SHANK2: variants seen among roughly 807,000 people sequenced by gnomAD.
SHANK2 encodes the protein SH3 and multiple ankyrin repeat domains 2.
A neutral mutation model predicts 133.7 loss-of-function variants in SHANK2; 43 were observed. The observed-to-expected ratio is 0.32, with a 90% CI of 0.25 to 0.41. The LOEUF (loss-of-function observed/expected upper bound fraction) is 0.41. Among genes scored for constraint, SHANK2 ranks in the 10% least tolerant of loss-of-function variants. The pLI is 1.00. For missense variants in SHANK2, 1,994 were observed against 2,235.8 expected, an observed-to-expected ratio of 0.89 and a Z score of 2.18; for synonymous variants, 1,017 against 952.8, an observed-to-expected ratio of 1.07 and a Z score of -1.24.
intron 15 of SHANK2, among the ~76,000 whole-genome samples, chr11:70,696,931 T>TA (rs1268106337): frequency 1.3e-5 from 2 of 152,104 alleles, no homozygotes; most frequent in Non-Finnish European, 2.9e-5. Context: ...TATTCAATCC[T>TA]AAAAAAGGGA....
At chr11:70,534,432 T>A (rs1378609019) in intron 17 of SHANK2, among the ~76,000 whole-genome samples, 2 of 152,198 alleles carry the variant, frequency 1.3e-5, no homozygotes, top group Non-Finnish European at 2.9e-5. Flanking sequence ...GGAACTACAA[T>A]TCAAGATGAG....
chr11:70,749,152 A>C (rs1316703203), intron 14 of SHANK2, among the ~76,000 whole-genome samples: 5 of 152,208 alleles, frequency 3.3e-5, no homozygotes. Context: ...AGTACAGCTG[A>C]CATCTTTCAG....
At chr11:70,572,121 C>G (rs1228248911) in intron 17 of SHANK2, among the ~76,000 whole-genome samples, 1 of 152,242 alleles carries the variant, frequency 6.6e-6, no homozygotes, top group Non-Finnish European at 1.5e-5. Flanking sequence ...CTGCCGGCAT[C>G]CTATTCTCAG....
intron 10 of SHANK2, among the ~76,000 whole-genome samples, chr11:70,909,347 G>T (rs1480746318): frequency 6.6e-6 from 1 of 152,188 alleles, no homozygotes; most frequent in Non-Finnish European, 1.5e-5. Flanking sequence ...GAATGAGGGA[G>T]GCTGAGTCTA....
intron 22 of SHANK2, 82 bp downstream of exon 22, chr11:70,492,253 C>T (rs1451353725): frequency 1.0e-5 from 16 of 1,579,836 alleles, no homozygotes; most frequent in Non-Finnish European, 1.3e-5. Context: ...AAAGCGTGTG[C>T]ACCTCAGCTA....
intron 4 of SHANK2, among the ~76,000 whole-genome samples, chr11:71,113,855 G>A (rs782003251): frequency 1.3e-5 from 2 of 152,320 alleles, no homozygotes; most frequent in East Asian, 3.9e-4. Flanking sequence ...TGCCCAGATC[G>A]CTGAAGCCAC....
In SHANK2 at chr11:70,599,863, A is replaced by AAAAGAAAGAAAG. The variant is rs797024328; in HGVS notation, c.2061+59953_2061+59964dup. ...AAGGAGAGAACGAAAGAAAGAAATAAAAAGAAAGAAAGAAAGAAAGAAAGA... is the reference window on the plus strand; with the variant it reads ...AAGGAGAGAACGAAAGAAAGAAATAAAAAGAAAGAAAGAAAGAAAGAAAGAAAGAAAGAAAGA... On this transcript the variant is annotated intron_variant, in intron 17 of 25. Transcript: ENST00000601538. 7.2e-4 allele frequency among the ~76,000 whole-genome samples: 49 copies of AAAAGAAAGAAAG among 68,296 alleles called. 1 individual carries two copies. The highest frequency in any genetic ancestry group is 2.4e-3 in the African/African-American group (48 of 19,666). The allele number at this position is 68,296 out of a possible 152,430, so 44.8% of individuals were successfully genotyped here. A position where few individuals can be genotyped will look rare whatever the true frequency, so the allele number is the denominator to read the frequency against.
intron 14 of SHANK2, among the ~76,000 whole-genome samples, chr11:70,747,968 GA>G (rs1164306814): frequency 3.9e-5 from 6 of 152,058 alleles, no homozygotes; most frequent in African/African-American, 1.4e-4. Context: ...AATATTAGAC[GA>G]AAAAAGAGGA....
At chr11:71,182,909 C>T (rs1953588309) in intron 2 of SHANK2, among the ~76,000 whole-genome samples, 1 of 152,142 alleles carries the variant, frequency 6.6e-6, no homozygotes, top group African/African-American at 2.4e-5. Context: ...ATCCATGCCT[C>T]TCTGCATCAC....
intron 13 of SHANK2, among the ~76,000 whole-genome samples, chr11:70,800,029 T>C (rs117568156): frequency 0.015 from 2,263 of 152,048 alleles, 32 homozygotes; most frequent in Admixed American, 0.031. Context: ...TTAGGGTTTT[T>C]TTTTTGTTTT....
chr11:70,574,736 C>T (rs908926868), intron 17 of SHANK2, among the ~76,000 whole-genome samples: 8 of 152,144 alleles, frequency 5.3e-5, no homozygotes, highest in Non-Finnish European at 1.0e-4. Context: ...GCATGGAGCA[C>T]AGACCGGGGG....
intron 2 of SHANK2, among the ~76,000 whole-genome samples, chr11:71,187,876 G>A (rs1555114735): frequency 6.6e-6 from 1 of 152,180 alleles, no homozygotes; most frequent in African/African-American, 2.4e-5. Context: ...CCTAAACTCA[G>A]CGCTTCCCTC....
intron 9 of SHANK2, among the ~76,000 whole-genome samples, chr11:71,066,463 A>C (rs1426739516): frequency 6.6e-6 from 1 of 152,084 alleles, no homozygotes; most frequent in Non-Finnish European, 1.5e-5. Context: ...GTGTCTTCAT[A>C]AGCAAATGGG....
intron 1 of SHANK2, among the ~76,000 whole-genome samples, chr11:71,247,512 CAA>C (rs1178941807): frequency 3.3e-5 from 4 of 122,970 alleles, no homozygotes; most frequent in Admixed American, 8.2e-5. Flanking sequence ...CAGGGACAGA[CAA>C]AAAAAAAAAA....
chr11:70,599,794 G>T (rs1342040344), intron 17 of SHANK2, among the ~76,000 whole-genome samples: 2 of 138,680 alleles, frequency 1.4e-5, no homozygotes, highest in African/African-American at 5.4e-5. Flanking sequence ...TCTGAAAGAA[G>T]AAAAGAAAAG....
Position 70,486,970 on chromosome 11 carries a change from C to T in SHANK2, c.3323G>A (p.Gly1108Glu), listed in dbSNP as rs1555154026. The T allele has an allele frequency of 1.9e-6, 3 of 1,612,138 alleles. No individual in the cohort carries two copies. Among genetic ancestry groups the T allele is most frequent in the African/African-American group, 2.7e-5 (2 of 74,936 alleles). The change falls in exon 25 of 26, where the codon GGG (glycine) becomes GAG (glutamate). Residue 1108 changes from glycine (G) to glutamate (E), a missense_variant. Physicochemically the swap from Gly to Glu is moderately conservative, Grantham distance 98 (BLOSUM62 -2). Around this residue, in one of 5 missense-constraint regions of SHANK2, gnomAD observed 488 missense variants for 642.6 expected, o/e 0.76. Transcript: ENST00000601538. The surrounding 1 kb of genome is among the most constrained non-coding windows in gnomAD (Gnocchi z 8.0). ...TGGCCCCAGGCCCACATCCTCATCC[C>T]CCAGGTCTGTGGAGAGGAAGGCCGG... Reference protein sequence around the residue: ...NSPAFLSTDLGDEDVGLGPPA... With the variant: ...NSPAFLSTDLEDEDVGLGPPA...
chr11:70,526,905 G>A (rs1255512570), intron 17 of SHANK2, among the ~76,000 whole-genome samples: 1 of 151,814 alleles, frequency 6.6e-6, no homozygotes, highest in Non-Finnish European at 1.5e-5. Context: ...TCCCTGTACC[G>A]GCCCCATCTG....
At chr11:70,919,442 C>A (rs1950317186) in intron 10 of SHANK2, among the ~76,000 whole-genome samples, 1 of 151,564 alleles carries the variant, frequency 6.6e-6, no homozygotes, top group Admixed American at 6.6e-5. Context: ...GATGCAGTGG[C>A]ACGATCTCGG....
intron 14 of SHANK2, among the ~76,000 whole-genome samples, chr11:70,714,284 G>A (rs1945862065): frequency 1.3e-5 from 2 of 152,224 alleles, no homozygotes; most frequent in African/African-American, 4.8e-5. Flanking sequence ...GATCACCGTG[G>A]CGCAGCTATG....
Sources: gnomAD v4.1 joint callset for allele counts (sites outside exome capture counted in the v4.1 genomes callset) on GRCh38, gnomAD v4.1.1 for gene constraint, gnomAD v4.1.1 regional missense constraint, Gnocchi (gnomAD v3.1) non-coding constraint, MANE v1.5 for transcripts, NCBI Gene and HGNC (gene_info 2026-07-23, HGNC 2026-07-21) for gene names.